The following UBR1 variants were observed in gnomAD, a reference collection of about 807,000 sequenced individuals.
The protein encoded by UBR1 is E3 ubiquitin-protein ligase UBR1.
In UBR1, 102 loss-of-function variants were observed where a neutral mutation model predicts 242.1. That is an observed-to-expected ratio of 0.42 (90% CI 0.36 to 0.50). The LOEUF (loss-of-function observed/expected upper bound fraction) is 0.50. Ranked by LOEUF, UBR1 falls within the 20% of genes least tolerant of loss-of-function variation. The probability of loss-of-function intolerance (pLI) is 0.01; values close to 1 mark genes in which losing one functional copy is unlikely to be tolerated. For synonymous variants in UBR1, 675 were observed against 684.8 expected, an observed-to-expected ratio of 0.99 and a Z score of 0.22; for missense variants, 1,772 against 2,101.8, an observed-to-expected ratio of 0.84 and a Z score of 3.07.
intron 6 of UBR1, among the ~76,000 whole-genome samples, chr15:43,066,841 C>T (rs969340202): frequency 1.3e-5 from 2 of 152,124 alleles, no homozygotes; most frequent in Admixed American, 1.3e-4. Flanking sequence ...CCAGGCTGGT[C>T]TCAAACTCCT....
chr15:43,089,051 A>C (rs890432858), intron 1 of UBR1, among the ~76,000 whole-genome samples: 4 of 151,772 alleles, frequency 2.6e-5, no homozygotes, highest in Admixed American at 6.6e-5. Flanking sequence ...AATCCCAGCT[A>C]CTCAGGAGTC....
chr15:42,971,880 AG>A (rs1418674914), intron 39 of UBR1, among the ~76,000 whole-genome samples: 1 of 152,198 alleles, frequency 6.6e-6, no homozygotes, highest in African/African-American at 2.4e-5. Context: ...TTTTAAGAGA[AG>A]TTTTAGATTC....
At chr15:43,089,898 C>A (rs1192961975) in intron 1 of UBR1, among the ~76,000 whole-genome samples, 1 of 152,210 alleles carries the variant, frequency 6.6e-6, no homozygotes, top group Admixed American at 6.5e-5. Context: ...TTGTTACAGA[C>A]TGGAGACGAG....
At chr15:43,034,279 A>AATAG (rs56381744) in intron 19 of UBR1, among the ~76,000 whole-genome samples, 10 of 104,214 alleles carry the variant, frequency 9.6e-5, no homozygotes, top group African/African-American at 1.6e-4. Flanking sequence ...TAAATAAATA[A>AATAG]ATAGATAAAT....
In UBR1 at chr15:42,958,073, T is replaced by C. The variant is rs754000018; in HGVS notation, c.4775A>G (p.Asn1592Ser). 2 of 1,613,480 alleles carry C rather than the reference T, an allele frequency of 1.2e-6. No homozygotes were observed. The change falls in exon 44 of 47, where the codon AAT becomes AGT. Residue 1592 changes from asparagine to serine, a missense_variant. Around this residue, in one of 3 missense-constraint regions of UBR1, gnomAD observed 965 missense variants for 1,079.7 expected, o/e 0.89. Coordinates refer to ENST00000290650, the MANE Select transcript of UBR1 (RefSeq NM_174916.3). ...GTCATCAGGAAGCTCTATCAAACTA[T>C]TTCTTTTTCTAGGGTACCTACAATG... is the stretch of plus-strand genomic sequence containing the variant. ...NTVVRYPRKRNSLIELPDDYS... is the reference protein window; with the variant it reads ...NTVVRYPRKRSSLIELPDDYS...
At chr15:43,045,433 C>G (rs1408253144) in intron 14 of UBR1, among the ~76,000 whole-genome samples, 1 of 152,176 alleles carries the variant, frequency 6.6e-6, no homozygotes, top group African/African-American at 2.4e-5. Context: ...CGCCACTATA[C>G]TCCAGCCTGG....
At chr15:42,954,345 C>T (rs956840298) in intron 44 of UBR1, among the ~76,000 whole-genome samples, 1 of 152,070 alleles carries the variant, frequency 6.6e-6, no homozygotes, top group Non-Finnish European at 1.5e-5. Flanking sequence ...AGTGACCCAA[C>T]CATTCCTTTA....
intron 19 of UBR1, 36 bp from the exon 20 acceptor site, chr15:43,032,667 G>T (rs1253037947): frequency 7.6e-7 from 1 of 1,319,652 alleles, no homozygotes; most frequent in South Asian, 1.2e-5. Flanking sequence ...AGTTATGGAA[G>T]AACCAAAAAC....
intron 34 of UBR1, 22 bp from the exon 35 acceptor site, chr15:42,988,989 T>C (rs533082576): frequency 4.4e-6 from 7 of 1,577,100 alleles, no homozygotes; most frequent in Admixed American, 1.7e-5. Flanking sequence ...ACAAGAAAAT[T>C]TGTATGATTT....
chr15:43,019,808 C>A (rs1023666691), intron 27 of UBR1, among the ~76,000 whole-genome samples: 1 of 146,868 alleles, frequency 6.8e-6, no homozygotes, highest in Non-Finnish European at 1.5e-5. Flanking sequence ...GTTTCACCAT[C>A]TTGGCCAGGC....
At position 43,024,928 on chromosome 15, in the gene UBR1, G is replaced by C; in HGVS notation, c.2640C>G (p.Asn880Lys). 6.2e-7 allele frequency: 1 copy of C among 1,614,192 alleles called. No individual in the cohort carries two copies. The highest frequency in any genetic ancestry group is 8.5e-7 in the Non-Finnish European group (1 of 1,180,026). The change falls in exon 25 of 47, where the codon AAC (asparagine) becomes AAG (lysine). Residue 880 changes from asparagine to lysine, a missense_variant. Transcript: ENST00000290650. ...ACATCATGATATCACAGTTGAGAAG[G>C]TTAATCACTTTGCTGAAAGCAGGGC... Reference protein sequence around the residue: ...EFCPAFSKVINLLNCDIMMYI... With the variant: ...EFCPAFSKVIKLLNCDIMMYI...
Position 43,004,958 on chromosome 15 carries a change from G to A in UBR1, c.3416-1028C>T, listed in dbSNP as rs868740047. Reference sequence around the variant, plus strand: ...GGAGTGTCTCTGCCCGGCACCCATCGTCTGAGATGTGGGGAGCACCTCTGC... The same window carrying A: ...GGAGTGTCTCTGCCCGGCACCCATCATCTGAGATGTGGGGAGCACCTCTGC... On this transcript the variant is annotated intron_variant, in intron 30 of 46. Transcript: ENST00000290650. 6.4e-4 allele frequency among the ~76,000 whole-genome samples: 96 copies of A among 150,024 alleles called. No homozygotes were observed. In the Middle Eastern group the frequency reaches 0.01, roughly 16 times the overall value.
At chr15:42,986,521 C>T (rs1316853029) in intron 35 of UBR1, among the ~76,000 whole-genome samples, 1 of 152,178 alleles carries the variant, frequency 6.6e-6, no homozygotes, top group Admixed American at 6.5e-5. Context: ...TGTGAAATAG[C>T]TTCACTGAAA....
At chr15:43,061,186 A>C (rs1201625289) in intron 6 of UBR1, among the ~76,000 whole-genome samples, 1 of 152,204 alleles carries the variant, frequency 6.6e-6, no homozygotes, top group Non-Finnish European at 1.5e-5. Flanking sequence ...AGACAGGACT[A>C]GATTGGAGCT....
intron 15 of UBR1, among the ~76,000 whole-genome samples, chr15:43,041,228 T>C (rs1284865739): frequency 6.6e-6 from 1 of 151,876 alleles, no homozygotes; most frequent in Non-Finnish European, 1.5e-5. Context: ...ATTAAGAAAA[T>C]GTGGCACATA....
At chr15:42,990,223 C>CAAA in intron 33 of UBR1, 103 bp from the exon 34 acceptor site, 3 of 860,792 alleles carry the variant, frequency 3.5e-6, no homozygotes, top group Non-Finnish European at 5.6e-6. Context: ...CTCACTCTGT[C>CAAA]ACCCATGCTG....
intron 32 of UBR1, 97 bp downstream of exon 32, chr15:43,002,458 C>T (rs915579190): frequency 7.2e-7 from 1 of 1,384,414 alleles, no homozygotes; most frequent in Non-Finnish European, 1.0e-6. Flanking sequence ...TGAGCTCTGG[C>T]AATCCGCCCA....
Position 43,059,099 on chromosome 15 carries a change from G to A in UBR1, c.1079C>T (p.Ala360Val), listed in dbSNP as rs759631135. The A allele has an allele frequency of 3.1e-6, 5 of 1,613,780 alleles. No individual in the cohort carries two copies. The highest frequency in any genetic ancestry group is 4.2e-6 in the Non-Finnish European group (5 of 1,179,874). The change falls in exon 9 of 47, where the codon GCA (alanine) becomes GTA (valine). Residue 360 changes from alanine to valine, a missense_variant. Physicochemically the swap from Ala to Val is moderately conservative, Grantham distance 64. Coordinates refer to ENST00000290650, the MANE Select transcript of UBR1 (RefSeq NM_174916.3). ...CLISRLMLWD[A>V]KLYKGARKIL... Reference sequence around the variant, plus strand: ...TGTCTACTTACCTTTATAAAGCTTTGCATCCCAAAGCATTAACCTGCTTAT... The same window carrying A: ...TGTCTACTTACCTTTATAAAGCTTTACATCCCAAAGCATTAACCTGCTTAT...
rs2034031206 is a variant in UBR1, at chr15:43,085,973, C to A, written c.338+11G>T. On this transcript the variant is annotated intron_variant, in intron 2 of 46. Transcript: ENST00000290650. ...TAATTATAATCAATCCTGTAAATTT[C>A]TAATTCTTACCTGCAAGAATAGGTT... 3.9e-6 allele frequency: 6 copies of A among 1,550,012 alleles called. No individual in the cohort carries two copies. Among genetic ancestry groups the A allele is most frequent in the South Asian group, 3.3e-5 (3 of 89,920 alleles).
Sources: allele counts gnomAD v4.1 joint callset (sites outside exome capture counted in the v4.1 genomes callset), GRCh38; gene constraint gnomAD v4.1.1; regional missense constraint gnomAD v4.1.1; transcripts MANE v1.5; gene names NCBI Gene and HGNC (gene_info 2026-07-23, HGNC 2026-07-21).